The following PHF5A variants were observed in gnomAD, a reference collection of about 807,000 sequenced individuals.
The protein encoded by PHF5A is PHD finger protein 5A, also known as PHD finger-like domain-containing protein 5A.
For synonymous variants in PHF5A, 52 were observed against 46.0 expected, an observed-to-expected ratio of 1.13 and a Z score of -0.52; for missense variants, 24 against 140.6, an observed-to-expected ratio of 0.17 and a Z score of 4.19.
At chr22:41,468,212 A>C (rs505533) in intron 1 of PHF5A, 65 bp from the exon 2 acceptor site, 1,136,617 of 1,551,884 alleles carry the variant, frequency 0.73, 430,318 homozygotes, top group Non-Finnish European at 0.79. Flanking sequence ...GGAGAAGTAC[A>C]TCCTCGAGCT....
intron 3 of PHF5A, among the ~76,000 whole-genome samples, chr22:41,464,364 G>T (rs988408803): frequency 6.6e-6 from 1 of 152,172 alleles, no homozygotes; most frequent in Admixed American, 6.5e-5. Flanking sequence ...CTTGGTTGTA[G>T]GAAGGTTTCT....
intron 3 of PHF5A, among the ~76,000 whole-genome samples, chr22:41,462,335 C>G (rs547557974): frequency 5.3e-4 from 81 of 152,314 alleles, no homozygotes; most frequent in African/African-American, 1.8e-3. Flanking sequence ...CCTTAGCCAT[C>G]TCATTTCTAA....
chr22:41,468,375 G>A lies in PHF5A; in HGVS notation c.52+227C>T, dbSNP rs963602190. ...CAAGCTCAGAGTTTCTCTGGACCTG[G>A]TTCAGACCCCACCCCCCGATACCTG... On this transcript the variant is annotated intron_variant, in intron 1 of 3. Transcript: ENST00000216252. The A allele has an allele frequency of 2.0e-4, 132 of 653,846 alleles. 1 individual carries two copies. The highest frequency in any genetic ancestry group is 2.0e-3 in the Middle Eastern group (5 of 2,554). 40.5% of individuals were successfully genotyped at this position (653,846 alleles called of 1,614,324 possible). A position where few individuals can be genotyped will look rare whatever the true frequency, so the allele number is the denominator to read the frequency against.
At chr22:41,468,314 C>CCAAG in intron 1 of PHF5A, 167 bp from the exon 2 acceptor site, 1 of 684,422 alleles carries the variant, frequency 1.5e-6, no homozygotes, top group Non-Finnish European at 2.5e-6. Context: ...AAACCTACAT[C>CCAAG]CAAGCACCCT....
chr22:41,463,843 G>A (rs569679248), intron 3 of PHF5A, among the ~76,000 whole-genome samples: 2 of 150,910 alleles, frequency 1.3e-5, no homozygotes, highest in African/African-American at 4.9e-5. Context: ...GTAATGAGCC[G>A]AGATCGTGCC....
chr22:41,460,335 T>A lies in PHF5A; in HGVS notation c.*63A>T. ...TCTGCTCCCTTTCTGCTGGTAGTAGTAGGCATGTTTTCTGGCAGCTGCAGC... is the reference window on the plus strand; with the variant it reads ...TCTGCTCCCTTTCTGCTGGTAGTAGAAGGCATGTTTTCTGGCAGCTGCAGC... On this transcript the variant is annotated 3_prime_UTR_variant, in exon 4 of 4. Coordinates refer to ENST00000216252, the MANE Select transcript of PHF5A (RefSeq NM_032758.4). The A allele has an allele frequency of 7.4e-7, 1 of 1,343,546 alleles. No individual in the cohort carries two copies. Among genetic ancestry groups the A allele is most frequent in the Non-Finnish European group, 1.1e-6 (1 of 950,822 alleles). The allele number at this position is 1,343,546 out of a possible 1,614,324, so 83.2% of individuals were successfully genotyped here. A position where few individuals can be genotyped will look rare whatever the true frequency, so the allele number is the denominator to read the frequency against.
At position 41,460,287 on chromosome 22, in the gene PHF5A, G is replaced by T. The variant is rs577362560; in HGVS notation, c.*111C>A. On this transcript the variant is annotated 3_prime_UTR_variant, in exon 4 of 4. Coordinates refer to ENST00000216252, the MANE Select transcript of PHF5A (RefSeq NM_032758.4). The stretch of plus-strand genomic sequence containing the variant: ...TGGCAAGCTGCCAGTACACTAGCAG[G>T]CACTCCTGGTGATGCTCTGGGCTCT... The T allele has an allele frequency of 1.4e-5, 11 of 806,926 alleles. No homozygotes were observed. The South Asian group carries it at 1.9e-4, about 14-fold the overall frequency. The allele number at this position is 806,926 out of a possible 1,614,324, so 50.0% of individuals were successfully genotyped here.
intron 3 of PHF5A, among the ~76,000 whole-genome samples, chr22:41,463,907 A>T (rs992328635): frequency 6.6e-6 from 1 of 151,416 alleles, no homozygotes; most frequent in Non-Finnish European, 1.5e-5. Flanking sequence ...AAAAAAAAAG[A>T]GTCAGACCAC....
chr22:41,463,423 T>G (rs1165486262), intron 3 of PHF5A, among the ~76,000 whole-genome samples: 1 of 151,404 alleles, frequency 6.6e-6, no homozygotes, highest in Non-Finnish European at 1.5e-5. Flanking sequence ...AAACCCCATT[T>G]CTACTGAAGA....
intron 3 of PHF5A, among the ~76,000 whole-genome samples, chr22:41,464,719 T>C (rs2037852843): frequency 6.6e-6 from 1 of 152,230 alleles, no homozygotes; most frequent in African/African-American, 2.4e-5. Context: ...TTCAAGAAAA[T>C]GCTGTCTTAA....
chr22:41,462,653 A>C (rs5758365), intron 3 of PHF5A, among the ~76,000 whole-genome samples: 1 of 152,084 alleles, frequency 6.6e-6, no homozygotes, highest in Non-Finnish European at 1.5e-5. Context: ...GAAACTCATG[A>C]TATGATGATA....
chr22:41,460,542 T>C (rs1452808750), intron 3 of PHF5A, 55 bp from the exon 4 acceptor site: 1 of 1,452,510 alleles, frequency 6.9e-7, no homozygotes, highest in African/African-American at 1.4e-5. Context: ...CAAGAGTGAC[T>C]TAAGATAAAA....
At chr22:41,467,984 C>A in intron 2 of PHF5A, 140 bp downstream of exon 2, 1 of 829,882 alleles carries the variant, frequency 1.2e-6, no homozygotes, top group Non-Finnish European at 1.9e-6. Flanking sequence ...GTTAGAGGGG[C>A]CTTTGGCTAA....
Position 41,468,108 on chromosome 22 carries a change from G to A in PHF5A, c.76+16C>T, listed in dbSNP as rs190531455. The A allele has an allele frequency of 1.2e-6, 2 of 1,613,572 alleles. No individual in the cohort carries two copies. Among genetic ancestry groups the A allele is most frequent in the Non-Finnish European group, 1.7e-6 (2 of 1,179,652 alleles). The stretch of plus-strand genomic sequence containing the variant: ...AGTGGGAAGGGTGGGTTGTTGGGAC[G>A]GTGTGTTCCACTCACATTTTTCACA... On this transcript the variant is annotated intron_variant, in intron 2 of 3. Coordinates refer to ENST00000216252, the MANE Select transcript of PHF5A (RefSeq NM_032758.4).
Position 41,467,520 on chromosome 22 carries a change from G to C in PHF5A, c.171C>G (p.Arg57=). The C allele has an allele frequency of 6.2e-7, 1 of 1,614,142 alleles. No homozygotes were observed. ...CCCCAGGTCCTCCACAGATCACACAGCGCCCCTGGTAAGATCCATAGTTAC... is the reference window on the plus strand; with the variant it reads ...CCCCAGGTCCTCCACAGATCACACACCGCCCCTGGTAAGATCCATAGTTAC... ...DECNYGSYQG[R]CVICGGPGVS... The change falls in exon 3 of 4, where the codon CGC becomes CGG. Residue 57 remains arginine, a synonymous_variant. Coordinates refer to ENST00000216252, the MANE Select transcript of PHF5A (RefSeq NM_032758.4).
chr22:41,468,564 C>T (rs766863111), intron 1 of PHF5A, 38 bp downstream of exon 1: 4 of 1,612,252 alleles, frequency 2.5e-6, no homozygotes, highest in Non-Finnish European at 3.4e-6. Context: ...CCTAATACCA[C>T]CCCTGCCCAG....
At position 41,467,523 on chromosome 22, in the gene PHF5A, C is replaced by T. The variant is rs768505069; in HGVS notation, c.168G>A (p.Gly56=). ...CAGGTCCTCCACAGATCACACAGCG[C>T]CCCTGGTAAGATCCATAGTTACACT... is the stretch of plus-strand genomic sequence containing the variant. ...CDECNYGSYQ[G]RCVICGGPGV... The change falls in exon 3 of 4, where the codon GGG becomes GGA. Residue 56 remains glycine (G), a synonymous_variant. Coordinates refer to ENST00000216252, the MANE Select transcript of PHF5A (RefSeq NM_032758.4). 13 of 1,614,176 alleles carry T rather than the reference C, an allele frequency of 8.1e-6. No homozygotes were observed. The highest frequency in any genetic ancestry group is 1.3e-5 in the African/African-American group (1 of 75,034).
At chr22:41,466,734 T>C (rs1012179194) in intron 3 of PHF5A, among the ~76,000 whole-genome samples, 5 of 152,140 alleles carry the variant, frequency 3.3e-5, no homozygotes, top group Non-Finnish European at 7.4e-5. Flanking sequence ...TTCATGCCTG[T>C]AATCCCAGCA....
At chr22:41,461,835 G>C (rs906032345) in intron 3 of PHF5A, among the ~76,000 whole-genome samples, 1 of 151,930 alleles carries the variant, frequency 6.6e-6, no homozygotes, top group Non-Finnish European at 1.5e-5. Context: ...GCTAATTTTT[G>C]TATTTTTAGT....
Sources: gnomAD v4.1 joint callset for allele counts (sites outside exome capture counted in the v4.1 genomes callset) on GRCh38, gnomAD v4.1.1 for gene constraint, MANE v1.5 for transcripts, NCBI Gene and HGNC (gene_info 2026-07-23, HGNC 2026-07-21) for gene names.